The following IPO9 variants were observed in gnomAD, a reference collection of about 807,000 sequenced individuals.
The protein encoded by IPO9 is importin 9.
IPO9 carries 28 observed loss-of-function variants against 128.6 expected under a neutral mutation model. The ratio of observed to expected loss-of-function variants is 0.22; its 90% confidence interval spans 0.16 to 0.30. The LOEUF (loss-of-function observed/expected upper bound fraction) is 0.30. IPO9 is among the 10% of genes least tolerant of loss of function. The pLI is 1.00. For synonymous variants in IPO9, 455 were observed against 475.8 expected (o/e 0.96, Z 0.57); for missense variants, 935 against 1,293.9 (o/e 0.72, Z 4.26).
Position 201,880,860 on chromosome 1 carries a change from C to T in IPO9, c.*4806C>T, listed in dbSNP as rs1453724970. The T allele has an allele frequency of 6.6e-6, 1 of 152,200 alleles. No homozygotes were observed. Among genetic ancestry groups the T allele is most frequent in the Non-Finnish European group, 1.5e-5 (1 of 68,028 alleles). The allele number at this position is 152,200 out of a possible 1,614,324, so 9.4% of individuals were successfully genotyped here. The stretch of plus-strand genomic sequence containing the variant: ...AATCAGTACAGTATTCAATAAATTA[C>T]ATGAGACATTCAACACTTTATTATA... On this transcript the variant is annotated 3_prime_UTR_variant, in exon 24 of 24. Coordinates refer to ENST00000361565, the MANE Select transcript of IPO9 (RefSeq NM_018085.5).
At position 201,881,991 on chromosome 1, in the gene IPO9, A is replaced by G. The variant is rs1680890151; in HGVS notation, c.*5937A>G. On this transcript the variant is annotated 3_prime_UTR_variant, in exon 24 of 24. Transcript: ENST00000361565. The stretch of plus-strand genomic sequence containing the variant: ...AAAATGTTGCAGTGAGTTCCTCCTC[A>G]TCAATCCAAGTGCTCGATCAGAGGC... 1 of 152,232 alleles carries G rather than the reference A, an allele frequency of 6.6e-6. No homozygotes were observed. 9.4% of individuals were successfully genotyped at this position (152,232 alleles called of 1,614,324 possible).
rs768393364 is a variant in IPO9 at position 201,871,322 on chromosome 1, A to T, written c.2571A>T (p.Lys857Asn). Residue 857 changes from lysine (K) to asparagine (N), a missense_variant, in exon 19 of 24, where the codon AAA becomes AAT. This residue lies in a region of IPO9 where 188 missense variants were observed against 246.7 expected (regional missense o/e 0.76). Coordinates refer to ENST00000361565, the MANE Select transcript of IPO9 (RefSeq NM_018085.5). Reference protein sequence around the residue: ...QHLFYGQYEGKVSSVALCKLL... With the variant: ...QHLFYGQYEGNVSSVALCKLL... ...TGTTCTATGGACAGTATGAAGGCAA[A>T]GTCAGGTAGAACCTCATCTTTCTTT... The T allele has an allele frequency of 6.3e-7, 1 of 1,596,800 alleles. No homozygotes were observed. Among genetic ancestry groups the T allele is most frequent in the Non-Finnish European group, 8.5e-7 (1 of 1,170,352 alleles).
intron 1 of IPO9, among the ~76,000 whole-genome samples, chr1:201,831,885 T>TTGTTGTTG (rs1679839573): frequency 6.6e-6 from 1 of 150,698 alleles, no homozygotes; most frequent in African/African-American, 2.4e-5. Flanking sequence ...GTTTTTTGCT[T>TTGTTGTTG]TTGTTGTTGT....
chr1:201,881,561 G>T lies in IPO9; in HGVS notation c.*5507G>T, dbSNP rs915133904. ...TACTGATATTTATGCTTAAGTTCAC[G>T]GGAGTCCTGGCCAGAAATAAAGCTG... is the stretch of plus-strand genomic sequence containing the variant. On this transcript the variant is annotated 3_prime_UTR_variant, in exon 24 of 24. Transcript: ENST00000361565. 2.0e-5 allele frequency: 3 copies of T among 152,138 alleles called. No homozygotes were observed. The highest frequency in any genetic ancestry group is 4.4e-5 in the Non-Finnish European group (3 of 68,038). 9.4% of individuals were successfully genotyped at this position (152,138 alleles called of 1,614,324 possible).
At chr1:201,840,017 CT>C (rs1359312791) in intron 1 of IPO9, among the ~76,000 whole-genome samples, 2 of 152,164 alleles carry the variant, frequency 1.3e-5, no homozygotes, top group Non-Finnish European at 2.9e-5. Flanking sequence ...TTTAAACTCA[CT>C]TGTGGTTAGA....
chr1:201,829,312 C>T lies in IPO9; in HGVS notation c.103C>T (p.Pro35Ser). The change falls in exon 1 of 24, where the codon CCA becomes TCA. Residue 35 changes from proline to serine, a missense_variant. Coordinates refer to ENST00000361565, the MANE Select transcript of IPO9 (RefSeq NM_018085.5). The stretch of plus-strand genomic sequence containing the variant: ...GGATACGCTCACCGGGATCCTATCC[C>T]CAGTACAGGAGGTGCGGGCGGCTGC... ...LVDTLTGILS[P>S]VQEVRAAAEE... The T allele has an allele frequency of 6.3e-7, 1 of 1,596,450 alleles. No individual in the cohort carries two copies. Among genetic ancestry groups the T allele is most frequent in the Non-Finnish European group, 8.5e-7 (1 of 1,172,786 alleles).
chr1:201,872,079 AC>A (rs1216896950), intron 19 of IPO9, among the ~76,000 whole-genome samples: 2 of 152,112 alleles, frequency 1.3e-5, no homozygotes, highest in African/African-American at 4.8e-5. Flanking sequence ...TACTATAAAT[AC>A]AAAAAATAGC....
chr1:201,858,589 G>C (rs771444461), intron 12 of IPO9, 36 bp downstream of exon 12: 3 of 1,208,880 alleles, frequency 2.5e-6, no homozygotes, highest in Non-Finnish European at 3.5e-6. Flanking sequence ...AGATGCTTTT[G>C]TTTACCCCTT....
rs1680490770 is a variant in IPO9 at position 201,863,543 on chromosome 1, G to A, written c.1564G>A (p.Val522Ile). The part of the protein sequence containing the change: ...ELIQQFLQAT[V>I]SGLHETQPPS... Reference sequence around the variant, plus strand: ...GATCCAGCAGTTCCTACAGGCAACAGTTAGTGGTCTTCACGAGACACAGCC... The same window carrying A: ...GATCCAGCAGTTCCTACAGGCAACAATTAGTGGTCTTCACGAGACACAGCC... The change falls in exon 14 of 24, where the codon GTT (valine) becomes ATT (isoleucine). Residue 522 changes from valine to isoleucine, a missense_variant. By Grantham distance (29) the Val-to-Ile change is conservative (BLOSUM62 3). Transcript: ENST00000361565. The A allele has an allele frequency of 2.5e-6, 4 of 1,607,258 alleles. No homozygotes were observed. The highest frequency in any genetic ancestry group is 3.4e-6 in the Non-Finnish European group (4 of 1,174,446).
Position 201,855,117 on chromosome 1 carries a change from A to G in IPO9, c.912-7A>G, listed in dbSNP as rs375263740. ...TCCAAATTCTATTTCTTTACTCTTCATCATACTTATGTGAGGACAGAAGTA... is the reference window on the plus strand; with the variant it reads ...TCCAAATTCTATTTCTTTACTCTTCGTCATACTTATGTGAGGACAGAAGTA... On this transcript the variant is annotated splice_polypyrimidine_tract_variant and splice_region_variant and intron_variant, in intron 8 of 23. Transcript: ENST00000361565. 6.4e-7 allele frequency: 1 copy of G among 1,571,168 alleles called. No homozygotes were observed. Among genetic ancestry groups the G allele is most frequent in the Non-Finnish European group, 8.8e-7 (1 of 1,142,816 alleles).
intron 19 of IPO9, among the ~76,000 whole-genome samples, chr1:201,872,174 G>A (rs191819664): frequency 5.1e-4 from 77 of 152,296 alleles, no homozygotes; most frequent in African/African-American, 1.8e-3. Context: ...GGCAGATCAC[G>A]CCATTGCACT....
intron 10 of IPO9, among the ~76,000 whole-genome samples, chr1:201,856,321 T>G (rs1037253027): frequency 2.0e-5 from 3 of 152,100 alleles, no homozygotes; most frequent in African/African-American, 7.2e-5. Flanking sequence ...AGACACTGAT[T>G]TTTAGGAGAA....
In IPO9 at chr1:201,883,060, A is replaced by G. The variant is rs1680918332; in HGVS notation, c.*7006A>G. On this transcript the variant is annotated 3_prime_UTR_variant, in exon 24 of 24. Transcript: ENST00000361565. ...AGCACTGCAGCCCTGCCTGAGGAACATGATAGAAACAGGTGGTAGGCCCAG... is the reference window on the plus strand; with the variant it reads ...AGCACTGCAGCCCTGCCTGAGGAACGTGATAGAAACAGGTGGTAGGCCCAG... The G allele has an allele frequency of 6.6e-6, 1 of 152,550 alleles. No homozygotes were observed. Among genetic ancestry groups the G allele is most frequent in the South Asian group, 2.1e-4 (1 of 4,832 alleles). The allele number at this position is 152,550 out of a possible 1,614,324, so 9.4% of individuals were successfully genotyped here.
chr1:201,870,931 GTTATT>G lies in IPO9; in HGVS notation c.2409+82_2409+86del, dbSNP rs2067311. 0.95 allele frequency: 1,406,002 copies of G among 1,473,290 alleles called. 674,285 individuals are homozygous for G. Among genetic ancestry groups the G allele is most frequent in the Non-Finnish European group, 0.98 (1,075,970 of 1,100,182 alleles). 91.3% of individuals were successfully genotyped at this position (1,473,290 alleles called of 1,614,324 possible). On this transcript the variant is annotated intron_variant, in intron 18 of 23. Coordinates refer to ENST00000361565, the MANE Select transcript of IPO9 (RefSeq NM_018085.5). The surrounding 1 kb of genome is among the most constrained non-coding windows in gnomAD (Gnocchi z 4.9). The stretch of plus-strand genomic sequence containing the variant: ...ATGAAAATTCGTATTTTGGTCCTGA[GTTATT>G]TTATTTTACCCTCTTACTAGCCTTG...
chr1:201,861,449 A>G (rs1680446341), intron 13 of IPO9, among the ~76,000 whole-genome samples: 1 of 152,216 alleles, frequency 6.6e-6, no homozygotes, highest in African/African-American at 2.4e-5. Context: ...TTATTATAAA[A>G]TAGGCTTTGT....
intron 1 of IPO9, among the ~76,000 whole-genome samples, chr1:201,840,065 A>C (rs2678211): frequency 0.98 from 148,807 of 152,314 alleles, 72,803 homozygotes; most frequent in East Asian, 1. Flanking sequence ...TTAACCATTT[A>C]TCACCTGTCA....
At chr1:201,852,326 A>G in intron 5 of IPO9, 134 bp downstream of exon 5, 1 of 585,284 alleles carries the variant, frequency 1.7e-6, no homozygotes, top group Non-Finnish European at 3.0e-6. Context: ...CTGGATCTGA[A>G]TCTGCATTAA....
chr1:201,842,982 T>C (rs754081083), intron 1 of IPO9, among the ~76,000 whole-genome samples: 2 of 152,056 alleles, frequency 1.3e-5, no homozygotes, highest in Non-Finnish European at 2.9e-5. Context: ...AATCCACTTA[T>C]TCATTTCTTT....
chr1:201,851,401 C>T (rs1680214744), intron 4 of IPO9, among the ~76,000 whole-genome samples: 1 of 151,500 alleles, frequency 6.6e-6, no homozygotes, highest in Non-Finnish European at 1.5e-5. Context: ...TATTCTGCTG[C>T]TTTGTAACAT....
Sources: gnomAD v4.1 joint callset for allele counts (sites outside exome capture counted in the v4.1 genomes callset) on GRCh38, gnomAD v4.1.1 for gene constraint, gnomAD v4.1.1 regional missense constraint, Gnocchi (gnomAD v3.1) non-coding constraint, MANE v1.5 for transcripts, NCBI Gene and HGNC (gene_info 2026-07-23, HGNC 2026-07-21) for gene names.